Variants in ZBTB20 observed in about 807,000 individuals in gnomAD.
ZBTB20 encodes zinc finger and BTB domain containing 20.
ZBTB20 carries 9 observed loss-of-function variants against 56.9 expected under a neutral mutation model. The ratio of observed to expected loss-of-function variants is 0.16; its 90% CI spans 0.10 to 0.28. The LOEUF (loss-of-function observed/expected upper bound fraction) is 0.28. ZBTB20 is among the 10% of genes least tolerant of loss of function. The pLI, the probability that ZBTB20 is intolerant of heterozygous loss-of-function variation, is 1.00. For missense variants in ZBTB20, 655 were observed against 1,003.0 expected, an observed-to-expected ratio of 0.65 and a Z score of 4.69; for synonymous variants, 417 against 420.7, an observed-to-expected ratio of 0.99 and a Z score of 0.11.
chr3:114,380,751 T>G, intron 9 of ZBTB20, 26 bp downstream of exon 9: 1 of 1,495,940 alleles, frequency 6.7e-7, no homozygotes, highest in South Asian at 1.3e-5. Context: ...TAACATGGTC[T>G]GGAAAAATAC....
chr3:114,386,767 T>G (rs553894299), intron 8 of ZBTB20, among the ~76,000 whole-genome samples: 23 of 152,246 alleles, frequency 1.5e-4, no homozygotes, highest in African/African-American at 4.1e-4. Context: ...GGGGTTTTTT[T>G]GGGGGTAGAA....
At chr3:114,991,205 C>A (rs1166336789) in intron 2 of ZBTB20, among the ~76,000 whole-genome samples, 1 of 152,076 alleles carries the variant, frequency 6.6e-6, no homozygotes, top group Non-Finnish European at 1.5e-5. Context: ...GTTCGGGTGT[C>A]AATTTTGGAT....
intron 5 of ZBTB20, among the ~76,000 whole-genome samples, chr3:114,723,911 C>T (rs1350150177): frequency 6.6e-6 from 1 of 151,844 alleles, no homozygotes; most frequent in Non-Finnish European, 1.5e-5. Flanking sequence ...CTCTTTTGCC[C>T]AGGCAGGACT....
intron 6 of ZBTB20, among the ~76,000 whole-genome samples, chr3:114,654,852 T>C (rs2108025595): frequency 6.6e-6 from 1 of 152,336 alleles, no homozygotes; most frequent in South Asian, 2.1e-4. Context: ...GTTTATGACT[T>C]ATGCATTCAT....
Position 114,323,189 on chromosome 3 carries a change from A to G in ZBTB20, c.*15816T>C, listed in dbSNP as rs9832667. 12 of 152,364 alleles carry G rather than the reference A, an allele frequency of 7.9e-5. No homozygotes were observed. Among genetic ancestry groups the G allele is most frequent in the African/African-American group, 2.9e-4 (12 of 41,598 alleles). 9.4% of individuals were successfully genotyped at this position (152,364 alleles called of 1,614,324 possible). A position where few individuals can be genotyped will look rare whatever the true frequency, so the allele number is the denominator to read the frequency against. On this transcript the variant is annotated 3_prime_UTR_variant, in exon 12 of 12. Coordinates refer to ENST00000675478, the MANE Select transcript of ZBTB20 (RefSeq NM_001348800.3). ...AAAAGATAATAAAAATAAATTTAACAAAGAAAAGTTAGGAAAAAACCAATT... is the reference window on the plus strand; with the variant it reads ...AAAAGATAATAAAAATAAATTTAACGAAGAAAAGTTAGGAAAAAACCAATT...
At chr3:114,462,374 T>A (rs2092370716) in intron 7 of ZBTB20, among the ~76,000 whole-genome samples, 1 of 152,230 alleles carries the variant, frequency 6.6e-6, no homozygotes, top group African/African-American at 2.4e-5. Context: ...CTAAATTTCT[T>A]GATTTGAAAG....
chr3:114,433,888 T>C (rs979499210), intron 7 of ZBTB20, among the ~76,000 whole-genome samples: 1 of 152,122 alleles, frequency 6.6e-6, no homozygotes, highest in Non-Finnish European at 1.5e-5. Flanking sequence ...CAACTTTAAG[T>C]CAACTTACAA....
intron 7 of ZBTB20, among the ~76,000 whole-genome samples, chr3:114,474,183 G>A (rs1208882084): frequency 6.6e-6 from 1 of 152,190 alleles, no homozygotes; most frequent in Admixed American, 6.5e-5. Flanking sequence ...AATTGTGGGA[G>A]ATACAATTCA....
At chr3:114,807,456 C>CT (rs915871605) in intron 4 of ZBTB20, among the ~76,000 whole-genome samples, 35 of 148,420 alleles carry the variant, frequency 2.4e-4, no homozygotes, top group East Asian at 5.9e-4. Flanking sequence ...GCTGCTGCTT[C>CT]TTTTTTTTTT....
chr3:114,408,160 C>G (rs1365644829), intron 7 of ZBTB20, among the ~76,000 whole-genome samples: 5 of 151,950 alleles, frequency 3.3e-5, no homozygotes, highest in Non-Finnish European at 7.4e-5. Flanking sequence ...ACGTTTTTAC[C>G]CATGTAATCT....
At chr3:114,715,853 A>G (rs1260431809) in intron 5 of ZBTB20, among the ~76,000 whole-genome samples, 2 of 152,208 alleles carry the variant, frequency 1.3e-5, no homozygotes, top group African/African-American at 4.8e-5. Flanking sequence ...TGCTAAACAA[A>G]GCTTACACAT....
chr3:114,460,349 G>A (rs1229826864), intron 7 of ZBTB20, among the ~76,000 whole-genome samples: 9 of 151,932 alleles, frequency 5.9e-5, no homozygotes, highest in South Asian at 2.1e-4. Flanking sequence ...GTTACCTTAC[G>A]TGGCAAAGGG....
chr3:114,339,560 G>C lies in ZBTB20; in HGVS notation c.1805-134C>G, dbSNP rs2079606164. ...AAAAATAAAATTTGATTGCTTAATG[G>C]ATCATCCTCGTTTGGAAAAATCCAG... On this transcript the variant is annotated intron_variant, in intron 11 of 11. Transcript: ENST00000675478. This position sits in a 1 kb window ranked among gnomAD's most constrained non-coding sequence, Gnocchi z 4.2. 8.9e-7 allele frequency: 1 copy of C among 1,127,548 alleles called. No homozygotes were observed. The allele number at this position is 1,127,548 out of a possible 1,614,324, so 69.8% of individuals were successfully genotyped here.
At chr3:115,064,217 A>G (rs933377518) in intron 2 of ZBTB20, among the ~76,000 whole-genome samples, 4 of 151,786 alleles carry the variant, frequency 2.6e-5, no homozygotes, top group Non-Finnish European at 1.5e-5. Context: ...CACCTTTCTC[A>G]CCTCATTTTA....
chr3:114,627,746 T>C (rs2058727017), intron 6 of ZBTB20, among the ~76,000 whole-genome samples: 1 of 152,228 alleles, frequency 6.6e-6, no homozygotes, highest in Admixed American at 6.5e-5. Flanking sequence ...AAATATCTTA[T>C]ACAACCTTGA....
intron 2 of ZBTB20, among the ~76,000 whole-genome samples, chr3:115,064,386 C>T (rs958374825): frequency 5.4e-5 from 8 of 149,232 alleles, no homozygotes; most frequent in East Asian, 2.0e-4. Context: ...TACCCTTATA[C>T]GTAATTGGTA....
intron 5 of ZBTB20, among the ~76,000 whole-genome samples, chr3:114,747,463 C>G (rs942469087): frequency 2.0e-5 from 3 of 152,056 alleles, no homozygotes; most frequent in African/African-American, 7.2e-5. Flanking sequence ...GTTCGGGAGG[C>G]TGAGGCAGGA....
intron 4 of ZBTB20, among the ~76,000 whole-genome samples, chr3:114,813,307 A>G (rs1011281627): frequency 3.4e-5 from 5 of 148,696 alleles, no homozygotes; most frequent in African/African-American, 1.3e-4. Context: ...GAGTGGATTC[A>G]AAATAAATAT....
At chr3:114,537,072 G>C (rs1473693126) in intron 6 of ZBTB20, among the ~76,000 whole-genome samples, 2 of 152,158 alleles carry the variant, frequency 1.3e-5, no homozygotes, top group Non-Finnish European at 2.9e-5. Flanking sequence ...TCAGGACATA[G>C]TCATGGGCAA....
Sources: allele counts gnomAD v4.1 joint callset (sites outside exome capture counted in the v4.1 genomes callset), GRCh38; gene constraint gnomAD v4.1.1; non-coding constraint Gnocchi (gnomAD v3.1); transcripts MANE v1.5; gene names NCBI Gene and HGNC (gene_info 2026-07-23, HGNC 2026-07-21).